PCDH7: variants seen among roughly 807,000 people sequenced by gnomAD.
The protein encoded by PCDH7 is protocadherin 7.
A neutral mutation model predicts 58.9 loss-of-function variants in PCDH7; 17 were observed. The observed-to-expected ratio is 0.29, with a 90% CI of 0.20 to 0.43. PCDH7 has a LOEUF of 0.43. Ranked by LOEUF, PCDH7 falls within the 20% of genes least tolerant of loss-of-function variation. The pLI is 1.00. For synonymous variants in PCDH7, 664 were observed against 616.4 expected (o/e 1.08, Z -1.14); for missense variants, 1,274 against 1,441.0 (o/e 0.88, Z 1.88).
intron 1 of PCDH7, among the ~76,000 whole-genome samples, chr4:30,777,268 C>T (rs148644665): frequency 4.3e-4 from 65 of 152,276 alleles, no homozygotes; most frequent in African/African-American, 1.4e-3. Flanking sequence ...TACAAACTTT[C>T]AGTAGAATGT....
At chr4:30,923,744 C>T (rs1020031693) in intron 2 of PCDH7, among the ~76,000 whole-genome samples, 6 of 152,054 alleles carry the variant, frequency 3.9e-5, no homozygotes, top group African/African-American at 1.4e-4. Flanking sequence ...ACAAAGATTA[C>T]TAATATATAT....
chr4:31,044,185 A>G (rs986235361), intron 3 of PCDH7, among the ~76,000 whole-genome samples: 11 of 151,074 alleles, frequency 7.3e-5, no homozygotes, highest in Admixed American at 4.6e-4. Context: ...AACAGATGCC[A>G]CATTTTAGGG....
chr4:31,136,349 A>C (rs372861642), intron 3 of PCDH7, among the ~76,000 whole-genome samples: 1 of 152,256 alleles, frequency 6.6e-6, no homozygotes, highest in East Asian at 1.9e-4. Context: ...AGCTCAGAAA[A>C]ATTATGTCAG....
At chr4:30,906,099 G>T (rs4692483) in intron 1 of PCDH7, among the ~76,000 whole-genome samples, 105,570 of 151,976 alleles carry the variant, frequency 0.69, 36,919 homozygotes, top group African/African-American at 0.79. Context: ...TGTTTGATTA[G>T]TATGCATATT....
intron 3 of PCDH7, among the ~76,000 whole-genome samples, chr4:31,087,002 G>A (rs1163951946): frequency 1.3e-5 from 2 of 152,178 alleles, no homozygotes; most frequent in Non-Finnish European, 2.9e-5. Context: ...AGGGACAGAA[G>A]CCTTTCTGGA....
intron 1 of PCDH7, among the ~76,000 whole-genome samples, chr4:30,831,596 T>C (rs1160544121): frequency 6.6e-6 from 1 of 152,016 alleles, no homozygotes; most frequent in Non-Finnish European, 1.5e-5. Context: ...TAATACAAAA[T>C]AAAACAAACA....
At chr4:30,985,262 A>G (rs1196322406) in intron 3 of PCDH7, among the ~76,000 whole-genome samples, 1 of 152,126 alleles carries the variant, frequency 6.6e-6, no homozygotes, top group African/African-American at 2.4e-5. Context: ...CGGCCCTTAT[A>G]TTTCATCATG....
chr4:31,010,014 A>C (rs1368474224), intron 3 of PCDH7, among the ~76,000 whole-genome samples: 1 of 152,032 alleles, frequency 6.6e-6, no homozygotes, highest in African/African-American at 2.4e-5. Context: ...TGTGTTCCCT[A>C]CTGAATCATA....
intron 1 of PCDH7, among the ~76,000 whole-genome samples, chr4:30,868,158 C>A (rs1735107988): frequency 6.6e-6 from 1 of 152,184 alleles, no homozygotes; most frequent in Admixed American, 6.5e-5. Context: ...ATGATACCAA[C>A]TGTTATGAAT....
chr4:30,934,621 ATACCT>A (rs1443460219), intron 2 of PCDH7, among the ~76,000 whole-genome samples: 1 of 152,018 alleles, frequency 6.6e-6, no homozygotes, highest in African/African-American at 2.4e-5. Context: ...CTTCTTTATA[ATACCT>A]TATCTATGAC....
In PCDH7 at chr4:30,970,405, C is replaced by T. The variant is rs1402653150; in HGVS notation, c.*7+20190C>T. The stretch of plus-strand genomic sequence containing the variant: ...CCCCTGCCGTGTTCACGCCATTCTC[C>T]TGCCTCAGCCTCCCCAGTAGCTGGG... On this transcript the variant is annotated intron_variant, in intron 3 of 3. Coordinates refer to the PCDH7 transcript ENST00000509759. 2.6e-5 allele frequency among the ~76,000 whole-genome samples: 4 copies of T among 152,120 alleles called. No individual in the cohort carries two copies. The East Asian group carries it at 7.7e-4, about 29-fold the overall frequency.
intron 3 of PCDH7, among the ~76,000 whole-genome samples, chr4:30,969,352 GTC>G (rs1187486944): frequency 6.6e-6 from 1 of 151,528 alleles, no homozygotes. Context: ...GCTTGATTTT[GTC>G]TCTTTTTTTT....
At chr4:30,892,934 A>G (rs1279037060) in intron 1 of PCDH7, among the ~76,000 whole-genome samples, 1 of 152,042 alleles carries the variant, frequency 6.6e-6, no homozygotes, top group Non-Finnish European at 1.5e-5. Flanking sequence ...TACCTAGGCC[A>G]CTTCCTGTTA....
chr4:30,795,496 A>T (rs1560378049), intron 1 of PCDH7, among the ~76,000 whole-genome samples: 2 of 152,252 alleles, frequency 1.3e-5, no homozygotes, highest in African/African-American at 4.8e-5. Context: ...GGTTGAGCTA[A>T]GATTCTAGAA....
chr4:30,962,184 A>T (rs566011507), intron 3 of PCDH7, among the ~76,000 whole-genome samples: 1 of 152,184 alleles, frequency 6.6e-6, no homozygotes, highest in Non-Finnish European at 1.5e-5. Context: ...ATGAAAGACC[A>T]TTAAGGTCCT....
intron 3 of PCDH7, among the ~76,000 whole-genome samples, chr4:31,075,705 C>T (rs1758926751): frequency 6.6e-6 from 1 of 152,172 alleles, no homozygotes; most frequent in Non-Finnish European, 1.5e-5. Context: ...GATATGGGCC[C>T]TGTTGTATCT....
chr4:30,882,601 T>C (rs560367061), intron 1 of PCDH7, among the ~76,000 whole-genome samples: 1 of 152,288 alleles, frequency 6.6e-6, no homozygotes, highest in South Asian at 2.1e-4. Flanking sequence ...AAGGTTATTT[T>C]CTTCGTACCA....
At chr4:30,724,396 C>A in exon 1 of PCDH7, 1 of 1,614,036 alleles carries the variant, frequency 6.2e-7, no homozygotes, top group Non-Finnish European at 8.5e-7. Flanking sequence ...CAGTCCTGAC[C>A]TGGCAAGGCA....
chr4:31,055,395 A>G (rs1757071087), intron 3 of PCDH7, among the ~76,000 whole-genome samples: 1 of 152,102 alleles, frequency 6.6e-6, no homozygotes, highest in African/African-American at 2.4e-5. Flanking sequence ...GTAGCTGTGC[A>G]TTTTGGCATC....
Sources: allele counts gnomAD v4.1 joint callset (sites outside exome capture counted in the v4.1 genomes callset), GRCh38; gene constraint gnomAD v4.1.1; transcripts MANE v1.5; gene names NCBI Gene and HGNC (gene_info 2026-07-23, HGNC 2026-07-21).